COL28A1: variants seen among roughly 807,000 people sequenced by gnomAD.
The protein encoded by COL28A1 is collagen type XXVIII alpha 1 chain, also known as collagen alpha-1(XXVIII) chain.
A neutral mutation model predicts 150.2 loss-of-function variants in COL28A1; 161 were observed. The observed-to-expected ratio is 1.07, with a 90% CI of 0.94 to 1.22. The LOEUF is 1.22. Among genes scored for constraint, COL28A1 ranks in the 50% most tolerant of loss-of-function variants. The pLI, the probability that COL28A1 is intolerant of heterozygous loss-of-function variation, is 0.00. For synonymous variants in COL28A1, 552 were observed against 469.7 expected (o/e 1.18, Z -2.26); for missense variants, 1,617 against 1,388.3 (o/e 1.16, Z -2.62).
intron 18 of COL28A1, among the ~76,000 whole-genome samples, chr7:7,448,807 A>G (rs1786466342): frequency 6.6e-6 from 1 of 152,128 alleles, no homozygotes; most frequent in Non-Finnish European, 1.5e-5. Flanking sequence ...ATGCTACAAC[A>G]TGGATCTTAG....
At chr7:7,460,398 T>C (rs1342544753) in intron 15 of COL28A1, among the ~76,000 whole-genome samples, 1 of 152,094 alleles carries the variant, frequency 6.6e-6, no homozygotes, top group Admixed American at 6.6e-5. Context: ...TTTTTTTTTT[T>C]AGAGATGGAG....
At chr7:7,411,720 T>C (rs1395191806) in intron 27 of COL28A1, among the ~76,000 whole-genome samples, 1 of 152,222 alleles carries the variant, frequency 6.6e-6, no homozygotes, top group Non-Finnish European at 1.5e-5. Flanking sequence ...GTTCTCAGCC[T>C]GTCTACTGAC....
At chr7:7,527,286 G>C (rs555831328) in intron 3 of COL28A1, among the ~76,000 whole-genome samples, 1 of 152,356 alleles carries the variant, frequency 6.6e-6, no homozygotes, top group Admixed American at 6.5e-5. Context: ...AGCAACCCGA[G>C]TAGGAAGGAG....
chr7:7,456,202 T>C (rs1371478645), intron 15 of COL28A1, 90 bp from the exon 16 acceptor site: 5 of 1,485,070 alleles, frequency 3.4e-6, no homozygotes, highest in Non-Finnish European at 4.5e-6. Flanking sequence ...TGTGTTAAAA[T>C]CTATCTTTAT....
intron 27 of COL28A1, among the ~76,000 whole-genome samples, chr7:7,395,192 C>T (rs1381025400): frequency 1.3e-5 from 2 of 152,068 alleles, no homozygotes; most frequent in East Asian, 3.9e-4. Flanking sequence ...ACTTGGGAGG[C>T]TGAGGCAGGA....
chr7:7,497,884 G>C (rs932685583), intron 11 of COL28A1, among the ~76,000 whole-genome samples: 11 of 152,310 alleles, frequency 7.2e-5, no homozygotes, highest in African/African-American at 2.6e-4. Context: ...TAAGTGAACT[G>C]TACTGAGTTT....
At chr7:7,338,723 T>C in the COL28A1 span, among the ~76,000 whole-genome samples, 1 of 152,076 alleles carries the variant, frequency 6.6e-6, no homozygotes, top group Non-Finnish European at 1.5e-5. Context: ...TCCTTATTCT[T>C]TACATCTACT....
intron 30 of COL28A1, 152 bp from the exon 31 acceptor site, chr7:7,375,649 C>A: frequency 2.2e-6 from 1 of 455,820 alleles, no homozygotes; most frequent in Non-Finnish European, 3.6e-6. Flanking sequence ...AAGTCAAAAG[C>A]TGACTATAAT....
At chr7:7,424,606 G>A (rs575458812) in intron 25 of COL28A1, among the ~76,000 whole-genome samples, 5 of 152,126 alleles carry the variant, frequency 3.3e-5, no homozygotes, top group African/African-American at 1.2e-4. Flanking sequence ...CTTGTATTAG[G>A]AGATAATGAA....
chr7:7,419,853 C>G (rs372121695), intron 26 of COL28A1, 32 bp downstream of exon 26: 1 of 1,442,170 alleles, frequency 6.9e-7, no homozygotes, highest in Non-Finnish European at 9.4e-7. Flanking sequence ...TGATATCTGA[C>G]CCTCACACAA....
chr7:7,427,165 A>T lies in COL28A1; in HGVS notation c.1998+5308T>A, dbSNP rs76666047. On this transcript the variant is annotated intron_variant, in intron 25 of 34. Coordinates refer to ENST00000399429, the MANE Select transcript of COL28A1 (RefSeq NM_001037763.3). Reference sequence around the variant, plus strand: ...GAGGTGGACTACTAGAGTGCAGCTCAGATTTTAGAGATCAGGCATATAACT... The same window carrying T: ...GAGGTGGACTACTAGAGTGCAGCTCTGATTTTAGAGATCAGGCATATAACT... 2.3e-3 allele frequency among the ~76,000 whole-genome samples: 345 copies of T among 152,360 alleles called. 1 individual carries two copies. The highest frequency in any genetic ancestry group is 7.9e-3 in the African/African-American group (327 of 41,590).
At chr7:7,427,625 A>G (rs1784721709) in intron 25 of COL28A1, among the ~76,000 whole-genome samples, 1 of 152,242 alleles carries the variant, frequency 6.6e-6, no homozygotes, top group South Asian at 2.1e-4. Flanking sequence ...CATTTTTAGA[A>G]TAATGATACT....
the COL28A1 span, among the ~76,000 whole-genome samples, chr7:7,341,177 A>T: frequency 9.2e-5 from 14 of 152,252 alleles, no homozygotes; most frequent in Admixed American, 8.5e-4. Flanking sequence ...CACCCAGTGT[A>T]TGATGTAGAA....
chr7:7,514,689 TAA>T (rs1185426758), intron 8 of COL28A1, among the ~76,000 whole-genome samples: 1 of 152,128 alleles, frequency 6.6e-6, no homozygotes, highest in Non-Finnish European at 1.5e-5. Context: ...GATAAAGAAT[TAA>T]AAGACTTATG....
chr7:7,376,063 C>T (rs1318066462), intron 30 of COL28A1, among the ~76,000 whole-genome samples: 1 of 152,118 alleles, frequency 6.6e-6, no homozygotes, highest in Admixed American at 6.5e-5. Context: ...TCCCCATGTT[C>T]CTGAACGCCC....
chr7:7,433,430 T>C (rs1785122229), intron 23 of COL28A1, among the ~76,000 whole-genome samples: 1 of 151,922 alleles, frequency 6.6e-6, no homozygotes, highest in Non-Finnish European at 1.5e-5. Flanking sequence ...GGTCAGGAGT[T>C]CAAGACCAGC....
chr7:7,500,418 T>C (rs1173588400), intron 11 of COL28A1, among the ~76,000 whole-genome samples: 1 of 152,248 alleles, frequency 6.6e-6, no homozygotes, highest in African/African-American at 2.4e-5. Context: ...CCTGACCCAT[T>C]GTTCCCAAAT....
chr7:7,377,328 G>A (rs943480223), intron 30 of COL28A1, among the ~76,000 whole-genome samples: 9 of 152,104 alleles, frequency 5.9e-5, no homozygotes, highest in Non-Finnish European at 1.0e-4. Context: ...TGGCTACTTG[G>A]TGCCAATGAT....
rs146096112 is a variant in COL28A1, at chr7:7,489,278, A to G, written c.1164+111T>C. On this transcript the variant is annotated intron_variant, in intron 13 of 34. Coordinates refer to ENST00000399429, the MANE Select transcript of COL28A1 (RefSeq NM_001037763.3). ...GTGAGATTCCGTCTCAAAAAAATAA[A>G]TAAATAAAATAGATACAAGGTGGAT... 379 of 706,642 alleles carry G rather than the reference A, an allele frequency of 5.4e-4. 2 individuals are homozygous for G. In the African/African-American group the frequency reaches 6.0e-3, roughly 11 times the overall value. 43.8% of individuals were successfully genotyped at this position (706,642 alleles called of 1,614,324 possible). A position where few individuals can be genotyped will look rare whatever the true frequency, so the allele number is the denominator to read the frequency against.
Sources: allele counts gnomAD v4.1 joint callset (sites outside exome capture counted in the v4.1 genomes callset), GRCh38; gene constraint gnomAD v4.1.1; transcripts MANE v1.5; gene names NCBI Gene and HGNC (gene_info 2026-07-23, HGNC 2026-07-21).